NAA11: variants seen among roughly 807,000 people sequenced by gnomAD.
NAA11 encodes the protein N-alpha-acetyltransferase 11.
Under a neutral mutation model 16.1 loss-of-function variants are expected in NAA11, and 15 were observed. The observed-to-expected ratio is 0.93, with a 90% CI of 0.62 to 1.44. NAA11 has a LOEUF of 1.44. NAA11 is among the 40% of genes most tolerant of loss of function. The pLI, the probability that NAA11 is intolerant of heterozygous loss-of-function variation, is 0.00. For missense variants in NAA11, 298 were observed against 291.3 expected, an observed-to-expected ratio of 1.02 and a Z score of -0.17; for synonymous variants, 122 against 112.4, an observed-to-expected ratio of 1.09 and a Z score of -0.54.
intron 1 of NAA11, among the ~76,000 whole-genome samples, chr4:79,324,877 C>T (rs761087833): frequency 1.3e-5 from 2 of 152,128 alleles, no homozygotes; most frequent in Non-Finnish European, 2.9e-5. Context: ...GAAAAAAATG[C>T]CTTTCATCAA....
At chr4:79,182,653 G>A in the NAA11 span, among the ~76,000 whole-genome samples, 1 of 152,088 alleles carries the variant, frequency 6.6e-6, no homozygotes, top group Non-Finnish European at 1.5e-5. Flanking sequence ...TTAGTATTCA[G>A]GTTGACTAAT....
intron 1 of NAA11, chr4:79,307,255 A>C (rs1723619630): frequency 6.6e-6 from 1 of 152,210 alleles, no homozygotes; most frequent in African/African-American, 2.4e-5. Flanking sequence ...ATTTCAGTAC[A>C]CTGTGCATCG....
At chr4:79,224,950 C>G (rs1721278050), downstream of NAA11, among the ~76,000 whole-genome samples, 1 of 151,872 alleles carries the variant, frequency 6.6e-6, no homozygotes, top group South Asian at 2.1e-4. Context: ...TTGTCAAGAT[C>G]ATGAAAAACA....
intron 2 of NAA11, among the ~76,000 whole-genome samples, chr4:79,264,451 CT>C (rs1215027361): frequency 3.3e-5 from 5 of 152,310 alleles, no homozygotes; most frequent in Middle Eastern, 3.4e-3. Context: ...CTCTATTTCT[CT>C]TCTCTTTTTA....
At chr4:79,226,510 T>C (rs1000281530) in intron 2 of NAA11, among the ~76,000 whole-genome samples, 35 of 151,948 alleles carry the variant, frequency 2.3e-4, no homozygotes, top group Non-Finnish European at 4.1e-4. Flanking sequence ...ACACGTGCCA[T>C]GTTGGTGTGC....
At chr4:79,198,044 G>T in the NAA11 span, among the ~76,000 whole-genome samples, 5 of 151,998 alleles carry the variant, frequency 3.3e-5, no homozygotes, top group African/African-American at 1.2e-4. Context: ...TTTGGAGTTT[G>T]CTTTTTTTGA....
the NAA11 span, among the ~76,000 whole-genome samples, chr4:79,192,011 T>G: frequency 6.6e-6 from 1 of 152,186 alleles, no homozygotes. Flanking sequence ...GTATTATTTC[T>G]GAACTTTCTA....
chr4:79,301,533 G>C (rs184337563), intron 1 of NAA11, among the ~76,000 whole-genome samples: 20 of 152,170 alleles, frequency 1.3e-4, no homozygotes, highest in Non-Finnish European at 2.8e-4. Context: ...AGATTAACCA[G>C]AGGAAGTGAT....
intron 1 of NAA11, among the ~76,000 whole-genome samples, chr4:79,302,806 C>A (rs754053270): frequency 2.0e-5 from 3 of 151,822 alleles, no homozygotes; most frequent in Non-Finnish European, 2.9e-5. Context: ...CAACCTCAAC[C>A]AATCCAGAGA....
chr4:79,194,137 T>C, the NAA11 span, among the ~76,000 whole-genome samples: 1 of 152,094 alleles, frequency 6.6e-6, no homozygotes, highest in Non-Finnish European at 1.5e-5. Context: ...GACGATGGGG[T>C]TTTCTAGATA....
chr4:79,225,633 A>C (rs1721291855), downstream of NAA11: 1 of 152,030 alleles, frequency 6.6e-6, no homozygotes, highest in Non-Finnish European at 1.5e-5. Context: ...CAACACATTT[A>C]ATCTTATGTC....
chr4:79,216,307 G>A, the NAA11 span, among the ~76,000 whole-genome samples: 3 of 151,936 alleles, frequency 2.0e-5, no homozygotes, highest in Admixed American at 6.6e-5. Context: ...CATTTTTCCT[G>A]AGCTTGCTTT....
intron 2 of NAA11, among the ~76,000 whole-genome samples, chr4:79,275,137 A>C (rs1043337157): frequency 9.4e-5 from 14 of 149,512 alleles, no homozygotes; most frequent in Non-Finnish European, 2.1e-4. Flanking sequence ...TTTTCTCTAC[A>C]CAAGGAGAAT....
intron 2 of NAA11, among the ~76,000 whole-genome samples, chr4:79,231,401 T>TA: frequency 6.6e-6 from 1 of 152,048 alleles, no homozygotes; most frequent in Non-Finnish European, 1.5e-5. Flanking sequence ...CCTCCCTAGT[T>TA]ACACTGGAAA....
At chr4:79,233,927 G>A (rs1721517363) in intron 2 of NAA11, among the ~76,000 whole-genome samples, 1 of 152,002 alleles carries the variant, frequency 6.6e-6, no homozygotes, top group Non-Finnish European at 1.5e-5. Context: ...TGGGATGTCT[G>A]GTGGTCATCT....
At chr4:79,291,628 G>A (rs2109993243) in intron 2 of NAA11, among the ~76,000 whole-genome samples, 1 of 152,204 alleles carries the variant, frequency 6.6e-6, no homozygotes, top group African/African-American at 2.4e-5. Context: ...GGTGGCTGAG[G>A]CAGGAGAATC....
At chr4:79,276,964 G>A (rs1250374291) in intron 2 of NAA11, among the ~76,000 whole-genome samples, 1 of 152,166 alleles carries the variant, frequency 6.6e-6, no homozygotes, top group Non-Finnish European at 1.5e-5. Flanking sequence ...TAGAGATGCC[G>A]TTAAAGGAAT....
chr4:79,233,015 T>C (rs1447050035), intron 2 of NAA11, among the ~76,000 whole-genome samples: 1 of 151,968 alleles, frequency 6.6e-6, no homozygotes, highest in Non-Finnish European at 1.5e-5. Flanking sequence ...ATGGTGGGGA[T>C]TAGATGAGAA....
At chr4:79,162,023 T>C in the NAA11 span, among the ~76,000 whole-genome samples, 1 of 152,234 alleles carries the variant, frequency 6.6e-6, no homozygotes, top group Admixed American at 6.5e-5. Context: ...ATTTTGTAGT[T>C]TTTAGTATGC....
Sources: allele counts gnomAD v4.1 joint callset (sites outside exome capture counted in the v4.1 genomes callset), GRCh38; gene constraint gnomAD v4.1.1; transcripts MANE v1.5; gene names NCBI Gene and HGNC (gene_info 2026-07-23, HGNC 2026-07-21).